HSPG2: variants seen among roughly 807,000 people sequenced by gnomAD.
The protein encoded by HSPG2 is basement membrane-specific heparan sulfate proteoglycan core protein.
In HSPG2, 278 loss-of-function variants were observed where a neutral mutation model predicts 526.6. The ratio of observed to expected loss-of-function variants is 0.53; its 90% confidence interval spans 0.48 to 0.58. The LOEUF (loss-of-function observed/expected upper bound fraction) is 0.58. Ranked by LOEUF, HSPG2 falls within the 20% of genes least tolerant of loss-of-function variation. The pLI is 0.00. For missense variants in HSPG2, 5,354 were observed against 6,099.5 expected (o/e 0.88, Z 4.07); for synonymous variants, 2,465 against 2,555.4 (o/e 0.96, Z 1.07).
chr1:21,876,483 G>A (rs754439324), intron 22 of HSPG2, 29 bp downstream of exon 22: 39 of 1,613,408 alleles, frequency 2.4e-5, no homozygotes, highest in African/African-American at 6.7e-5. Flanking sequence ...AGGGCTTGGC[G>A]GTCCTGCCCG....
Position 21,861,809 on chromosome 1 carries a change from C to A in HSPG2, c.4903G>T (p.Gly1635Trp). 1 of 1,613,788 alleles carries A rather than the reference C, an allele frequency of 6.2e-7. No individual in the cohort carries two copies. ...SRTCESLGAG[G>W]YRCTACEPGY... The stretch of plus-strand genomic sequence containing the variant: ...GGTTCGCAGGCCGTGCAGCGGTACC[C>A]GCCGGCTCCCAGGCTCTCACAGGTG... Residue 1635 changes from glycine to tryptophan, a missense_variant, in exon 39 of 97, where the codon GGG (glycine) becomes TGG (tryptophan). By Grantham distance (184) the Gly-to-Trp change is radical. Transcript: ENST00000374695.
At chr1:21,912,412 C>G (rs1643726456) in intron 1 of HSPG2, among the ~76,000 whole-genome samples, 1 of 152,102 alleles carries the variant, frequency 6.6e-6, no homozygotes, top group Admixed American at 6.6e-5. Context: ...CCAAAGACCC[C>G]CGGGGAGAAT....
intron 29 of HSPG2, 40 bp from the exon 30 acceptor site, chr1:21,873,464 G>A: frequency 1.2e-6 from 2 of 1,605,268 alleles, no homozygotes; most frequent in Non-Finnish European, 1.7e-6. Context: ...TTGGATGAAG[G>A]GAAGCAGAAC....
intron 28 of HSPG2, 126 bp from the exon 29 acceptor site, chr1:21,874,137 A>G: frequency 1.2e-6 from 1 of 868,848 alleles, no homozygotes; most frequent in Non-Finnish European, 1.8e-6. Flanking sequence ...CCTCAGTGCC[A>G]CTGCATGCCT....
chr1:21,925,196 C>T (rs1276871004), intron 1 of HSPG2, among the ~76,000 whole-genome samples: 3 of 152,194 alleles, frequency 2.0e-5, no homozygotes, highest in Non-Finnish European at 4.4e-5. Flanking sequence ...TAACACAGAT[C>T]AAACAATGAG....
At position 21,834,781 on chromosome 1, in the gene HSPG2, C is replaced by T. The variant is rs372760688; in HGVS notation, c.10618G>A (p.Val3540Ile). The T allele has an allele frequency of 2.7e-5, 43 of 1,614,080 alleles. No individual in the cohort carries two copies. The highest frequency in any genetic ancestry group is 2.5e-5 in the Non-Finnish European group (29 of 1,180,034). Residue 3540 changes from valine (V) to isoleucine (I), a missense_variant, in exon 77 of 97, where the codon GTC (valine) becomes ATC (isoleucine). Val to Ile is a conservative substitution (Grantham distance 29). Transcript: ENST00000374695. ...RPGIVQSGGVVRIAHVELADA... is the reference protein window; with the variant it reads ...RPGIVQSGGVIRIAHVELADA... ...GCCAGCTCTACGTGGGCGATCCTGACGACACCTCCGCTCTGCACAATGCCT... is the reference window on the plus strand; with the variant it reads ...GCCAGCTCTACGTGGGCGATCCTGATGACACCTCCGCTCTGCACAATGCCT...
chr1:21,922,790 C>T (rs887352266), intron 1 of HSPG2, among the ~76,000 whole-genome samples: 1 of 152,170 alleles, frequency 6.6e-6, no homozygotes, highest in Non-Finnish European at 1.5e-5. Flanking sequence ...AGAGGTGGGG[C>T]CCAGGCCGGC....
In HSPG2 at chr1:21,849,840, C is replaced by A. The variant is rs1962711; in HGVS notation, c.7446+201G>T. ...GATTACAGGCGCGCACCACCACGCCCGGCTAATTTGTGGATTTTCAGTAGA... is the reference window on the plus strand; with the variant it reads ...GATTACAGGCGCGCACCACCACGCCAGGCTAATTTGTGGATTTTCAGTAGA... On this transcript the variant is annotated intron_variant, in intron 57 of 96. Coordinates refer to ENST00000374695, the MANE Select transcript of HSPG2 (RefSeq NM_005529.7). Among the ~76,000 whole-genome samples the A allele has an allele frequency of 0.12, 17,970 of 152,186 alleles. 1,271 individuals carry two copies. Among genetic ancestry groups the A allele is most frequent in the South Asian group, 0.23 (1,103 of 4,810 alleles).
In HSPG2 at chr1:21,854,534, C is replaced by G. The variant is rs187406964; in HGVS notation, c.6288+77G>C. 2.0e-3 allele frequency: 2,958 copies of G among 1,486,756 alleles called. 35 individuals are homozygous for G. The African/African-American group carries it at 0.032, about 16-fold the overall frequency. 92.1% of individuals were successfully genotyped at this position (1,486,756 alleles called of 1,614,324 possible). A position where few individuals can be genotyped will look rare whatever the true frequency, so the allele number is the denominator to read the frequency against. On this transcript the variant is annotated intron_variant, in intron 49 of 96. Transcript: ENST00000374695. The stretch of plus-strand genomic sequence containing the variant: ...GTGTGGGGCAGTGTGCCGCCTCCCC[C>G]GCCCAGCGTACAGGCCCCGCCTCCG...
chr1:21,887,156 G>GCAGGAGTGGAAGGCGGGT lies in HSPG2; in HGVS notation c.1078+58_1078+59insACCCGCCTTCCACTCCTG. 1 of 1,601,248 alleles carries GCAGGAGTGGAAGGCGGGT rather than the reference G, an allele frequency of 6.2e-7. No homozygotes were observed. Among genetic ancestry groups the GCAGGAGTGGAAGGCGGGT allele is most frequent in the Non-Finnish European group, 8.5e-7 (1 of 1,172,014 alleles). ...GGGCGGGGCAGGAGTGGAAGGCGGG[G>GCAGGAGTGGAAGGCGGGT]CAGGAGCAAGCGGCCTGGGCAGGGC... On this transcript the variant is annotated intron_variant, in intron 9 of 96. Transcript: ENST00000374695. The surrounding 1 kb of genome is among the most constrained non-coding windows in gnomAD (Gnocchi z 5.0).
chr1:21,915,554 G>C (rs1156515707), intron 1 of HSPG2, among the ~76,000 whole-genome samples: 7 of 151,918 alleles, frequency 4.6e-5, no homozygotes, highest in African/African-American at 1.7e-4. Context: ...GCAGCAAGAA[G>C]AACCAATGAG....
chr1:21,866,150 A>C (rs1351009411), intron 33 of HSPG2, among the ~76,000 whole-genome samples: 1 of 152,150 alleles, frequency 6.6e-6, no homozygotes, highest in African/African-American at 2.4e-5. Context: ...AATGACAATG[A>C]CCACCATGGG....
chr1:21,933,723 T>C (rs909939365), intron 1 of HSPG2, among the ~76,000 whole-genome samples: 6 of 152,188 alleles, frequency 3.9e-5, no homozygotes, highest in Non-Finnish European at 7.3e-5. Context: ...CCTTCCAGCT[T>C]CTACCCTGCA....
rs779590000 is a variant in HSPG2 at position 21,887,612 on chromosome 1, G to A, written c.766C>T (p.Pro256Ser). 1.9e-6 allele frequency: 3 copies of A among 1,614,032 alleles called. No individual in the cohort carries two copies. The South Asian group carries it at 3.3e-5, about 18-fold the overall frequency. Residue 256 changes from proline to serine, a missense_variant, in exon 8 of 97, where the codon CCC becomes TCC. By Grantham distance (74) the Pro-to-Ser change is moderately conservative. Coordinates refer to ENST00000374695, the MANE Select transcript of HSPG2 (RefSeq NM_005529.7). The surrounding 1 kb of genome is among the most constrained non-coding windows in gnomAD (Gnocchi z 5.0). ...CGCATGATGGTTGTCTCTGGCCGGG[G>A]CGGTAAAGATGTCGTCTCCACAAGG... ...SLLVETTSLP[P>S]RPETTIMRQP...
At chr1:21,857,938 C>T (rs1479220424) in intron 42 of HSPG2, among the ~76,000 whole-genome samples, 3 of 152,210 alleles carry the variant, frequency 2.0e-5, no homozygotes, top group African/African-American at 7.2e-5. Flanking sequence ...GCCTGAGTGC[C>T]ACCCCTCCCC....
At chr1:21,845,764 C>T (rs1314603823) in intron 64 of HSPG2, among the ~76,000 whole-genome samples, 2 of 152,148 alleles carry the variant, frequency 1.3e-5, no homozygotes, top group Non-Finnish European at 2.9e-5. Flanking sequence ...TAGTAGAGTA[C>T]AAGAGTACTA....
intron 1 of HSPG2, among the ~76,000 whole-genome samples, chr1:21,905,134 T>A (rs1031580686): frequency 2.0e-5 from 3 of 150,920 alleles, no homozygotes; most frequent in Non-Finnish European, 4.4e-5. Context: ...CCAACCAGGT[T>A]CTATGTAATC....
In HSPG2 at chr1:21,890,656, C is replaced by T. The variant is rs145704241; in HGVS notation, c.283G>A (p.Glu95Lys). 14 of 1,614,048 alleles carry T rather than the reference C, an allele frequency of 8.7e-6. No individual in the cohort carries two copies. Among genetic ancestry groups the T allele is most frequent in the East Asian group, 2.2e-5 (1 of 44,878 alleles). ...RALVNFTRSI[E>K]YSPQLEDAGS... is the part of the protein sequence containing the mutation. Reference sequence around the variant, plus strand: ...GCATCCTCCAGCTGAGGGCTGTACTCGATGGAGCGAGTGAAATTCACCAGG... The same window carrying T: ...GCATCCTCCAGCTGAGGGCTGTACTTGATGGAGCGAGTGAAATTCACCAGG... The change falls in exon 4 of 97, where the codon GAG (glutamate) becomes AAG (lysine). Residue 95 changes from glutamate (E) to lysine (K), a missense_variant. By Grantham distance (56) the Glu-to-Lys change is moderately conservative. Transcript: ENST00000374695. This position sits in a 1 kb window ranked among gnomAD's most constrained non-coding sequence, Gnocchi z 4.1.
chr1:21,829,917 A>G (rs1441212162), intron 86 of HSPG2, 76 bp downstream of exon 86: 4 of 1,230,038 alleles, frequency 3.3e-6, no homozygotes, highest in African/African-American at 1.5e-5. Context: ...AGGGCCCATC[A>G]TGGCCTCAGA....
Sources: gnomAD v4.1 joint callset for allele counts (sites outside exome capture counted in the v4.1 genomes callset) on GRCh38, gnomAD v4.1.1 for gene constraint, Gnocchi (gnomAD v3.1) non-coding constraint, MANE v1.5 for transcripts, NCBI Gene and HGNC (gene_info 2026-07-23, HGNC 2026-07-21) for gene names.